Variants in KHDC1 observed in about 807,000 individuals in gnomAD.
KHDC1 encodes KH homology domain-containing protein 1.
KHDC1 carries 21 observed loss-of-function variants against 24.7 expected under a neutral mutation model. The observed-to-expected ratio is 0.85, with a 90% confidence interval of 0.60 to 1.23. The LOEUF is 1.23. Ranked by LOEUF, KHDC1 falls within the 50% of genes most tolerant of loss-of-function variation. The pLI is 0.00. For missense variants in KHDC1, 274 were observed against 298.5 expected (o/e 0.92, Z 0.61); for synonymous variants, 98 against 111.7 (o/e 0.88, Z 0.77).
chr6:73,265,595 G>A (rs4706534), intron 2 of KHDC1, among the ~76,000 whole-genome samples: 41,283 of 150,198 alleles, frequency 0.27, 6,335 homozygotes, highest in African/African-American at 0.41. Context: ...AGGAAGGTGG[G>A]AATGGAGACT....
intron 2 of KHDC1, among the ~76,000 whole-genome samples, chr6:73,250,587 G>T (rs560105878): frequency 6.6e-6 from 1 of 152,332 alleles, no homozygotes; most frequent in African/African-American, 2.4e-5. Flanking sequence ...CAATAATACA[G>T]TGCTTTATTA....
At chr6:73,286,242 A>G (rs1767520734) in intron 2 of KHDC1, among the ~76,000 whole-genome samples, 1 of 152,198 alleles carries the variant, frequency 6.6e-6, no homozygotes, top group Admixed American at 6.5e-5. Context: ...TTTTTAAGTC[A>G]GTAAAGGAAA....
chr6:73,251,289 T>C (rs1202123199), intron 2 of KHDC1, among the ~76,000 whole-genome samples: 5 of 152,228 alleles, frequency 3.3e-5, no homozygotes, highest in African/African-American at 1.2e-4. Flanking sequence ...TGGAATTCTC[T>C]TACTGTGTAT....
intron 1 of KHDC1, among the ~76,000 whole-genome samples, chr6:73,305,295 T>C (rs1290951692): frequency 2.0e-5 from 3 of 151,504 alleles, no homozygotes; most frequent in South Asian, 2.1e-4. Context: ...AGAAACAAAT[T>C]TGAAGTCATG....
chr6:73,301,716 C>G (rs749974883), intron 1 of KHDC1, among the ~76,000 whole-genome samples: 1 of 152,082 alleles, frequency 6.6e-6, no homozygotes, highest in African/African-American at 2.4e-5. Context: ...ACTGCAGCCT[C>G]GACCTCCTAG....
chr6:73,281,734 C>T (rs924714636), intron 2 of KHDC1, among the ~76,000 whole-genome samples: 4 of 152,136 alleles, frequency 2.6e-5, no homozygotes, highest in Middle Eastern at 3.4e-3. Flanking sequence ...TATTAAAGCC[C>T]ATACTTTATT....
intron 2 of KHDC1, among the ~76,000 whole-genome samples, chr6:73,251,157 A>G (rs1349483149): frequency 6.6e-6 from 1 of 152,208 alleles, no homozygotes; most frequent in Non-Finnish European, 1.5e-5. Context: ...CAAAATGTAT[A>G]TGCAATAGTT....
intron 2 of KHDC1, among the ~76,000 whole-genome samples, chr6:73,264,727 C>T (rs1360432233): frequency 6.6e-6 from 1 of 152,170 alleles, no homozygotes; most frequent in Non-Finnish European, 1.5e-5. Flanking sequence ...AGAGTGGAAC[C>T]AGGACCAGCC....
intron 2 of KHDC1, among the ~76,000 whole-genome samples, chr6:73,252,384 T>C (rs1766797235): frequency 6.6e-6 from 1 of 152,184 alleles, no homozygotes; most frequent in African/African-American, 2.4e-5. Flanking sequence ...AAAATTTTTT[T>C]ATAGATATCA....
intron 2 of KHDC1, among the ~76,000 whole-genome samples, chr6:73,267,824 C>T (rs1029005342): frequency 6.7e-6 from 1 of 149,144 alleles, no homozygotes. Flanking sequence ...AGACATACAA[C>T]GGAATATTAT....
intron 2 of KHDC1, among the ~76,000 whole-genome samples, chr6:73,284,006 A>G (rs1429656522): frequency 6.6e-6 from 1 of 151,954 alleles, no homozygotes; most frequent in African/African-American, 2.4e-5. Flanking sequence ...TCTTGCTTCT[A>G]GCCTCACTCA....
intron 2 of KHDC1, chr6:73,262,953 G>A: frequency 2.0e-6 from 2 of 991,680 alleles, no homozygotes; most frequent in Non-Finnish European, 2.4e-6. Flanking sequence ...GACCACAGGG[G>A]GGTCAGGTAG....
chr6:73,278,673 A>G (rs989289722), intron 2 of KHDC1, among the ~76,000 whole-genome samples: 1 of 152,178 alleles, frequency 6.6e-6, no homozygotes, highest in African/African-American at 2.4e-5. Context: ...TTATTTTATT[A>G]CAGTATATTG....
chr6:73,251,642 A>C (rs1488965697), intron 2 of KHDC1, among the ~76,000 whole-genome samples: 2 of 152,202 alleles, frequency 1.3e-5, no homozygotes, highest in African/African-American at 4.8e-5. Context: ...TCTATTTTGG[A>C]CATAAGGAAA....
At chr6:73,286,934 A>G (rs1767534056) in intron 2 of KHDC1, among the ~76,000 whole-genome samples, 1 of 152,016 alleles carries the variant, frequency 6.6e-6, no homozygotes, top group African/African-American at 2.4e-5. Context: ...TGCCCTGACT[A>G]GGATCCTGAA....
intron 2 of KHDC1, among the ~76,000 whole-genome samples, chr6:73,283,791 G>T (rs910992689): frequency 2.0e-5 from 3 of 151,030 alleles, no homozygotes; most frequent in Non-Finnish European, 4.4e-5. Context: ...GGCCAGGCTG[G>T]TCTTGAACTC....
At chr6:73,285,827 G>T (rs1351642768) in intron 2 of KHDC1, among the ~76,000 whole-genome samples, 3 of 151,954 alleles carry the variant, frequency 2.0e-5, no homozygotes, top group East Asian at 1.9e-4. Flanking sequence ...GAAGAATCAG[G>T]CTTTCCAGAT....
intron 1 of KHDC1, among the ~76,000 whole-genome samples, chr6:73,306,014 ATTAG>A (rs1290840276): frequency 2.0e-5 from 3 of 152,310 alleles, no homozygotes; most frequent in South Asian, 2.1e-4. Context: ...GTTTTGGGTT[ATTAG>A]TTATGAAAGC....
intron 1 of KHDC1, chr6:73,293,299 T>C (rs1275243357): frequency 1.2e-5 from 7 of 566,446 alleles, no homozygotes; most frequent in Non-Finnish European, 2.3e-5. Context: ...GAAAAGATTT[T>C]AAAAAAACTC....
Sources: gnomAD v4.1 joint callset for allele counts (sites outside exome capture counted in the v4.1 genomes callset) on GRCh38, gnomAD v4.1.1 for gene constraint, MANE v1.5 for transcripts, NCBI Gene and HGNC (gene_info 2026-07-23, HGNC 2026-07-21) for gene names.